The following ZNF729 variants were observed in gnomAD, a reference collection of about 807,000 sequenced individuals.
The protein encoded by ZNF729 is zinc finger protein 729.
A neutral mutation model predicts 12.2 loss-of-function variants in ZNF729; 15 were observed. The ratio of observed to expected loss-of-function variants is 1.23; its 90% confidence interval spans 0.82 to 1.89. The LOEUF (loss-of-function observed/expected upper bound fraction) is 1.89, where lower values mean the gene tolerates loss of function less well. Ranked by LOEUF, ZNF729 falls within the 40% of genes most tolerant of loss-of-function variation. ZNF729 has a pLI of 0.00. For missense variants in ZNF729, 1,540 were observed against 1,456.7 expected (o/e 1.06, Z -0.93); for synonymous variants, 492 against 476.3 (o/e 1.03, Z -0.43).
In ZNF729 at chr19:22,315,306, G is replaced by A. The variant is rs775544487; in HGVS notation, c.1889G>A (p.Cys630Tyr). The change falls in exon 4 of 4, where the codon TGT becomes TAT. Residue 630 changes from cysteine (C) to tyrosine (Y), a missense_variant. By Grantham distance (194) the Cys-to-Tyr change is radical. Coordinates refer to ENST00000601693, the MANE Select transcript of ZNF729 (RefSeq NM_001242680.2). Reference sequence around the variant, plus strand: ...CATACTGGGAAGAAACCGTACAAATGTGAAGAATGTGGCAAAGCTTTTAGG... The same window carrying A: ...CATACTGGGAAGAAACCGTACAAATATGAAGAATGTGGCAAAGCTTTTAGG... Reference protein sequence around the residue: ...IIHTGKKPYKCEECGKAFRQS... With the variant: ...IIHTGKKPYKYEECGKAFRQS... 6.2e-7 allele frequency: 1 copy of A among 1,613,344 alleles called. No homozygotes were observed. The highest frequency in any genetic ancestry group is 8.5e-7 in the Non-Finnish European group (1 of 1,179,724).
Position 22,307,843 on chromosome 19 carries a change from T to C in ZNF729, c.253+3060T>C, listed in dbSNP as rs113757693. Among the ~76,000 whole-genome samples the C allele has an allele frequency of 2.3e-3, 306 of 133,510 alleles. 1 individual carries two copies. The highest frequency in any genetic ancestry group is 8.3e-3 in the African/African-American group (297 of 35,738). 87.6% of individuals were successfully genotyped at this position (133,510 alleles called of 152,430 possible). A position where few individuals can be genotyped will look rare whatever the true frequency, so the allele number is the denominator to read the frequency against. On this transcript the variant is annotated intron_variant, in intron 3 of 3. Transcript: ENST00000601693. ...TTTTTTTGTCTTTAAGTAACCTGTATACTACTTTATTTTTATTTATTTATT... is the reference window on the plus strand; with the variant it reads ...TTTTTTTGTCTTTAAGTAACCTGTACACTACTTTATTTTTATTTATTTATT...
At chr19:22,303,061 T>C (rs1490449312) in intron 1 of ZNF729, among the ~76,000 whole-genome samples, 1 of 152,196 alleles carries the variant, frequency 6.6e-6, no homozygotes, top group Non-Finnish European at 1.5e-5. Context: ...AGGAGTGAGC[T>C]ACTGCGCCTG....
intron 3 of ZNF729, among the ~76,000 whole-genome samples, chr19:22,306,255 A>G (rs1212196689): frequency 2.6e-5 from 4 of 152,068 alleles, no homozygotes; most frequent in Non-Finnish European, 4.4e-5. Context: ...CCTGGCCAAC[A>G]TAGAGAAACC....
At position 22,315,411 on chromosome 19, in the gene ZNF729, T is replaced by G. The variant is rs549557324; in HGVS notation, c.1994T>G (p.Phe665Cys). Reference sequence around the variant, plus strand: ...AAATGTGAAGAATGTGGCAAAGCTTTTAGCCATTTCTCAGCCCTTAGAAGA... The same window carrying G: ...AAATGTGAAGAATGTGGCAAAGCTTGTAGCCATTTCTCAGCCCTTAGAAGA... ...PYKCEECGKAFSHFSALRRHK... is the reference protein window; with the variant it reads ...PYKCEECGKACSHFSALRRHK... The change falls in exon 4 of 4, where the codon TTT becomes TGT. Residue 665 changes from phenylalanine to cysteine, a missense_variant. Physicochemically the swap from Phe to Cys is radical, Grantham distance 205. Transcript: ENST00000601693. 2.4e-5 allele frequency: 39 copies of G among 1,613,270 alleles called. No individual in the cohort carries two copies. Among genetic ancestry groups the G allele is most frequent in the Admixed American group, 6.7e-5 (4 of 59,992 alleles).
intron 1 of ZNF729, among the ~76,000 whole-genome samples, chr19:22,289,532 G>A (rs57766933): frequency 6.6e-6 from 1 of 152,004 alleles, no homozygotes; most frequent in South Asian, 2.1e-4. Flanking sequence ...GCAAAAATTT[G>A]TATTTACCCT....
At chr19:22,296,864 G>A (rs1365079638) in intron 1 of ZNF729, among the ~76,000 whole-genome samples, 1 of 152,124 alleles carries the variant, frequency 6.6e-6, no homozygotes, top group African/African-American at 2.4e-5. Context: ...TCATTCAAGT[G>A]CAGGTTAATT....
Position 22,313,742 on chromosome 19 carries a change from C to A in ZNF729, c.325C>A (p.Leu109Met). 6.3e-7 allele frequency: 1 copy of A among 1,587,378 alleles called. No individual in the cohort carries two copies. Residue 109 changes from leucine (L) to methionine (M), a missense_variant, in exon 4 of 4, where the codon CTG (leucine) becomes ATG (methionine). Coordinates refer to ENST00000601693, the MANE Select transcript of ZNF729 (RefSeq NM_001242680.2). ...STKDSFQEVI[L>M]RTYARCGHKN... The stretch of plus-strand genomic sequence containing the variant: ...AAAAGATTCTTTCCAAGAAGTAATA[C>A]TGAGAACATATGCAAGATGTGGACA...
chr19:22,303,291 G>T (rs1345139293), intron 1 of ZNF729, among the ~76,000 whole-genome samples: 2 of 151,180 alleles, frequency 1.3e-5, no homozygotes. Context: ...GGCATCACTG[G>T]TGAGCTTGTC....
intron 1 of ZNF729, among the ~76,000 whole-genome samples, chr19:22,289,833 AT>A (rs1968130308): frequency 1.3e-5 from 2 of 152,152 alleles, no homozygotes; most frequent in African/African-American, 4.8e-5. Flanking sequence ...TTCATGCTAA[AT>A]TTTATGAGCT....
chr19:22,295,491 C>T (rs759955513), intron 1 of ZNF729, among the ~76,000 whole-genome samples: 3 of 151,288 alleles, frequency 2.0e-5, no homozygotes, highest in African/African-American at 4.9e-5. Flanking sequence ...CCCGTGTTCA[C>T]GCCATTCTCC....
rs2081941299 is a variant in ZNF729, at chr19:22,314,432, A to G, written c.1015A>G (p.Lys339Glu). The G allele has an allele frequency of 2.5e-6, 4 of 1,597,860 alleles. No individual in the cohort carries two copies. The highest frequency in any genetic ancestry group is 1.3e-5 in the African/African-American group (1 of 74,878). ...CCATTTCTCAGCCCTTAGAAAACAT[A>G]AGATAATTCATACTGGAAAGAAACC... Reference protein sequence around the residue: ...FNHFSALRKHKIIHTGKKPYK... With the variant: ...FNHFSALRKHEIIHTGKKPYK... Residue 339 changes from lysine to glutamate, a missense_variant, in exon 4 of 4, where the codon AAG becomes GAG. Transcript: ENST00000601693.
chr19:22,295,038 TTG>T (rs71180536), intron 1 of ZNF729, among the ~76,000 whole-genome samples: 2,510 of 143,698 alleles, frequency 0.017, 31 homozygotes, highest in South Asian at 0.043. Flanking sequence ...TCCTAGATAT[TTG>T]TGTGTGTGTG....
intron 2 of ZNF729, 67 bp downstream of exon 2, chr19:22,303,951 A>G: frequency 1.4e-6 from 2 of 1,443,378 alleles, no homozygotes; most frequent in South Asian, 2.4e-5. Context: ...TTTCTGTAGA[A>G]TGTGTTTTGG....
rs772715754 is a variant in ZNF729 at position 22,304,681 on chromosome 19, A to T, written c.158-7A>T. ...AATATTTATGTTATTTATTTTTAAT[A>T]AAACAGGTATGGCTGTCTTTAAGCC... On this transcript the variant is annotated splice_region_variant and splice_polypyrimidine_tract_variant and intron_variant, in intron 2 of 3. Coordinates refer to ENST00000601693, the MANE Select transcript of ZNF729 (RefSeq NM_001242680.2). 6.2e-7 allele frequency: 1 copy of T among 1,606,832 alleles called. No individual in the cohort carries two copies. Among genetic ancestry groups the T allele is most frequent in the Non-Finnish European group, 8.5e-7 (1 of 1,176,234 alleles).
chr19:22,315,870 A>G lies in ZNF729; in HGVS notation c.2453A>G (p.His818Arg), dbSNP rs762051378. ...SSKLTVHKVIHTGEKPCKCEE... is the reference protein window; with the variant it reads ...SSKLTVHKVIRTGEKPCKCEE... ...AAGCTTACTGTACATAAGGTAATTCATACTGGAGAGAAACCCTGCAAATGT... is the reference window on the plus strand; with the variant it reads ...AAGCTTACTGTACATAAGGTAATTCGTACTGGAGAGAAACCCTGCAAATGT... Residue 818 changes from histidine (H) to arginine (R), a missense_variant, in exon 4 of 4, where the codon CAT becomes CGT. Transcript: ENST00000601693. 1 of 1,611,412 alleles carries G rather than the reference A, an allele frequency of 6.2e-7. No homozygotes were observed. The highest frequency in any genetic ancestry group is 1.7e-5 in the Admixed American group (1 of 60,010).
Position 22,315,145 on chromosome 19 carries a change from ATG to A in ZNF729, c.1731_1732del (p.Cys577TrpfsTer5). The A allele has an allele frequency of 6.2e-7, 1 of 1,611,590 alleles. No homozygotes were observed. The highest frequency in any genetic ancestry group is 2.2e-5 in the East Asian group (1 of 44,834). On this transcript the variant is annotated frameshift_variant, in exon 4 of 4. Coordinates refer to ENST00000601693, the MANE Select transcript of ZNF729 (RefSeq NM_001242680.2). LOFTEE classifies it low-confidence loss of function (END_TRUNC). ...TGEKPCKCEE[C>X]GKAFKHFSAL... ...GAGAGAAACCCTGCAAATGTGAAGA[ATG>A]TGGCAAAGCTTTTAAGCATTTCTCA...
chr19:22,307,829 TTAAG>T (rs1415522084), intron 3 of ZNF729, among the ~76,000 whole-genome samples: 12 of 143,750 alleles, frequency 8.3e-5, no homozygotes, highest in Admixed American at 1.4e-4. Context: ...TTTTTTGTCT[TTAAG>T]TAACCTGTAT....
In ZNF729 at chr19:22,316,343, T is replaced by C. The variant is rs1452616018; in HGVS notation, c.2926T>C (p.Ser976Pro). 2.5e-6 allele frequency: 4 copies of C among 1,613,568 alleles called. No homozygotes were observed. In the African/African-American group the frequency reaches 5.3e-5, roughly 22 times the overall value. Residue 976 changes from serine (S) to proline (P), a missense_variant, in exon 4 of 4, where the codon TCC (serine) becomes CCC (proline). Physicochemically the swap from Ser to Pro is moderately conservative, Grantham distance 74. Coordinates refer to ENST00000601693, the MANE Select transcript of ZNF729 (RefSeq NM_001242680.2). ...AGAATGTGGCAAAGCTTTTAAGCAA[T>C]CCTCACATCTTACTAGACATAAAGC... ...CAECGKAFKQ[S>P]SHLTRHKAIH...
At chr19:22,307,270 G>A (rs1345759747) in intron 3 of ZNF729, among the ~76,000 whole-genome samples, 1 of 148,476 alleles carries the variant, frequency 6.7e-6, no homozygotes, top group Non-Finnish European at 1.5e-5. Context: ...CCTCCTAAAG[G>A]TGTAGGATTA....
Sources: gnomAD v4.1 joint callset for allele counts (sites outside exome capture counted in the v4.1 genomes callset) on GRCh38, gnomAD v4.1.1 for gene constraint, MANE v1.5 for transcripts, NCBI Gene and HGNC (gene_info 2026-07-23, HGNC 2026-07-21) for gene names.